Variants in RHOD observed in about 807,000 individuals in gnomAD.
RHOD encodes the protein rho-related GTP-binding protein RhoD.
Under a neutral mutation model 16.7 loss-of-function variants are expected in RHOD, and 11 were observed. The ratio of observed to expected loss-of-function variants is 0.66; its 90% CI spans 0.41 to 1.09. RHOD has a LOEUF of 1.09. Among genes scored for constraint, RHOD ranks in the 50% least tolerant of loss-of-function variants. The pLI is 0.00. For synonymous variants in RHOD, 124 were observed against 126.3 expected (o/e 0.98, Z 0.12); for missense variants, 271 against 291.7 (o/e 0.93, Z 0.52).
chr11:67,067,844 G>A (rs1397150399), intron 3 of RHOD, among the ~76,000 whole-genome samples: 1 of 152,154 alleles, frequency 6.6e-6, no homozygotes, highest in Admixed American at 6.5e-5. Flanking sequence ...CTGTCACCCA[G>A]GCTGGAGTGC....
chr11:67,059,674 T>C (rs1055612997), intron 1 of RHOD, among the ~76,000 whole-genome samples: 4 of 152,182 alleles, frequency 2.6e-5, no homozygotes, highest in African/African-American at 9.7e-5. Flanking sequence ...GAGGCTTACC[T>C]GGGGGCACAT....
At chr11:67,066,108 C>A in intron 2 of RHOD, 125 bp downstream of exon 2, 1 of 783,856 alleles carries the variant, frequency 1.3e-6, no homozygotes, top group Non-Finnish European at 2.1e-6. Context: ...CAGGTGTGGG[C>A]CAGGAGTGGG....
intron 1 of RHOD, among the ~76,000 whole-genome samples, chr11:67,064,197 G>A (rs1854930010): frequency 6.6e-6 from 1 of 150,810 alleles, no homozygotes; most frequent in African/African-American, 2.4e-5. Flanking sequence ...ACGAGGTCAG[G>A]AGATCGAGAC....
In RHOD at chr11:67,065,903, C is replaced by T. The variant is rs754018340; in HGVS notation, c.140C>T (p.Thr47Ile). Residue 47 changes from threonine (T) to isoleucine (I), a missense_variant, in exon 2 of 5, where the codon ACC (threonine) becomes ATC (isoleucine). By Grantham distance (89) the Thr-to-Ile change is moderately conservative. Transcript: ENST00000308831. The stretch of plus-strand genomic sequence containing the variant: ...CGCCCTGCTTCTCCTCAGAGCTACA[C>T]CCCCACGGTGTTTGAGCGGTACATG... ...FADGAFPESY[T>I]PTVFERYMVN... 1.2e-6 allele frequency: 2 copies of T among 1,613,324 alleles called. No individual in the cohort carries two copies. Among genetic ancestry groups the T allele is most frequent in the African/African-American group, 2.7e-5 (2 of 74,918 alleles).
chr11:67,058,081 C>A (rs1433289453), intron 1 of RHOD, among the ~76,000 whole-genome samples: 2 of 152,156 alleles, frequency 1.3e-5, no homozygotes, highest in Non-Finnish European at 2.9e-5. Context: ...CTGCAACCTC[C>A]GCCTCCTGGG....
At chr11:67,062,166 C>G (rs565597297) in intron 1 of RHOD, among the ~76,000 whole-genome samples, 40 of 152,264 alleles carry the variant, frequency 2.6e-4, no homozygotes, top group African/African-American at 7.9e-4. Flanking sequence ...GAAGGATGGA[C>G]GGGGGCTCGT....
rs371979135 is a variant in RHOD at position 67,064,145 on chromosome 11, G to T, written c.133-1751G>T. 6.9e-5 allele frequency among the ~76,000 whole-genome samples: 10 copies of T among 144,862 alleles called. 1 individual carries two copies. In the South Asian group the frequency reaches 2.2e-3, roughly 32 times the overall value. On this transcript the variant is annotated intron_variant, in intron 1 of 4. Coordinates refer to ENST00000308831, the MANE Select transcript of RHOD (RefSeq NM_014578.4). The stretch of plus-strand genomic sequence containing the variant: ...AAAAAGGCCGGGCGCGGTGGCTCAC[G>T]CCTGTAATCCCAGCACTTTGGGAGG...
rs780827729 is a variant in RHOD at position 67,071,610 on chromosome 11, G to A, written c.*8G>A. 3 of 1,582,364 alleles carry A rather than the reference G, an allele frequency of 1.9e-6. No homozygotes were observed. The highest frequency in any genetic ancestry group is 2.3e-5 in the East Asian group (1 of 43,082). On this transcript the variant is annotated 3_prime_UTR_variant, in exon 5 of 5. Transcript: ENST00000308831. The stretch of plus-strand genomic sequence containing the variant: ...TTTTGCGTGGTGACCTGAGCGGCTC[G>A]GGGCGTCCCAGCGACGCGGGAAGGG...
chr11:67,065,841 C>A, intron 1 of RHOD, 55 bp from the exon 2 acceptor site: 3 of 1,216,070 alleles, frequency 2.5e-6, no homozygotes, highest in Non-Finnish European at 3.6e-6. Flanking sequence ...CAGACCAAGT[C>A]CCCAGTGCCT....
rs759714216 is a variant in RHOD, at chr11:67,061,794, A to G, written c.133-4102A>G. Among the ~76,000 whole-genome samples, 85 of 144,110 alleles carry G rather than the reference A, an allele frequency of 5.9e-4. 1 individual carries two copies. The highest frequency in any genetic ancestry group is 1.3e-3 in the African/African-American group (49 of 38,316). The allele number at this position is 144,110 out of a possible 152,430, so 94.5% of individuals were successfully genotyped here. Reference sequence around the variant, plus strand: ...TATATATGTGTGTGTGTGTGTGTATATATATATATGTGTGTGTATATATAT... The same window carrying G: ...TATATATGTGTGTGTGTGTGTGTATGTATATATATGTGTGTGTATATATAT... On this transcript the variant is annotated intron_variant, in intron 1 of 4. Transcript: ENST00000308831.
chr11:67,062,386 C>A (rs1488678496), intron 1 of RHOD, among the ~76,000 whole-genome samples: 2 of 152,226 alleles, frequency 1.3e-5, no homozygotes, highest in African/African-American at 4.8e-5. Context: ...CTCCTAGCTA[C>A]CAGGTCACAC....
intron 1 of RHOD, among the ~76,000 whole-genome samples, chr11:67,063,379 G>A (rs373965769): frequency 6.6e-6 from 1 of 152,148 alleles, no homozygotes; most frequent in African/African-American, 2.4e-5. Flanking sequence ...TGTAATCCCA[G>A]CTACTCAGGA....
At chr11:67,062,369 GC>G (rs1854903548) in intron 1 of RHOD, among the ~76,000 whole-genome samples, 1 of 152,188 alleles carries the variant, frequency 6.6e-6, no homozygotes, top group Non-Finnish European at 1.5e-5. Context: ...TAAACCTAAA[GC>G]TAGTGCTCCT....
At chr11:67,069,841 C>T (rs1172680840) in intron 3 of RHOD, among the ~76,000 whole-genome samples, 2 of 151,942 alleles carry the variant, frequency 1.3e-5, no homozygotes, top group African/African-American at 2.4e-5. Context: ...TACAGGCACC[C>T]GCCATCATGC....
rs1176147175 is a variant in RHOD, at chr11:67,070,485, A to C, written c.391A>C (p.Thr131Pro). 1 of 1,614,022 alleles carries C rather than the reference A, an allele frequency of 6.2e-7. No homozygotes were observed. Among genetic ancestry groups the C allele is most frequent in the Non-Finnish European group, 8.5e-7 (1 of 1,180,004 alleles). Residue 131 changes from threonine to proline, a missense_variant, in exon 4 of 5, where the codon ACT becomes CCT. Transcript: ENST00000308831. ...KVPIIVVGCKTDLRKDKSLVN... is the reference protein window; with the variant it reads ...KVPIIVVGCKPDLRKDKSLVN... ...ACCCATCATCGTCGTGGGCTGCAAG[A>C]CTGACCTGCGCAAGGACAAATCACT... is the stretch of plus-strand genomic sequence containing the variant.
chr11:67,070,332 T>G lies in RHOD; in HGVS notation c.331-93T>G, dbSNP rs749533211. On this transcript the variant is annotated intron_variant, in intron 3 of 4. Transcript: ENST00000308831. ...CTTTGCTGATTATCCATATCAGAGC[T>G]CAGGCTGGGGAGCAAGAGAGTGGTC... 5.9e-6 allele frequency: 8 copies of G among 1,362,280 alleles called. 1 individual carries two copies. In the South Asian group the frequency reaches 9.5e-5, roughly 16 times the overall value. 84.4% of individuals were successfully genotyped at this position (1,362,280 alleles called of 1,614,324 possible). A position where few individuals can be genotyped will look rare whatever the true frequency, so the allele number is the denominator to read the frequency against.
chr11:67,062,387 C>G (rs1245839566), intron 1 of RHOD, among the ~76,000 whole-genome samples: 2 of 152,220 alleles, frequency 1.3e-5, no homozygotes, highest in Non-Finnish European at 2.9e-5. Context: ...TCCTAGCTAC[C>G]AGGTCACACT....
intron 1 of RHOD, among the ~76,000 whole-genome samples, chr11:67,062,006 C>T (rs890133727): frequency 2.6e-5 from 4 of 151,950 alleles, no homozygotes; most frequent in Admixed American, 2.6e-4. Context: ...ATCTCCCTCA[C>T]TATCACAAGA....
chr11:67,066,669 C>T (rs1004233150), intron 2 of RHOD, 69 bp from the exon 3 acceptor site: 6 of 1,018,170 alleles, frequency 5.9e-6, no homozygotes, highest in African/African-American at 1.6e-5. Context: ...GAGGTGACCT[C>T]CTGACATTGG....
Sources: allele counts gnomAD v4.1 joint callset (sites outside exome capture counted in the v4.1 genomes callset), GRCh38; gene constraint gnomAD v4.1.1; transcripts MANE v1.5; gene names NCBI Gene and HGNC (gene_info 2026-07-23, HGNC 2026-07-21).